The following RANBP2 variants were observed in gnomAD, a reference collection of about 807,000 sequenced individuals.
RANBP2 encodes the protein RAN binding protein 2, also known as E3 SUMO-protein ligase RanBP2.
Under a neutral mutation model 303.6 loss-of-function variants are expected in RANBP2, and 57 were observed. The ratio of observed to expected loss-of-function variants is 0.19; its 90% CI spans 0.15 to 0.23. RANBP2 has a LOEUF of 0.23. Ranked by LOEUF, RANBP2 falls within the 10% of genes least tolerant of loss-of-function variation. RANBP2 has a pLI of 1.00. For missense variants in RANBP2, 3,138 were observed against 3,780.8 expected, an observed-to-expected ratio of 0.83 and a Z score of 4.46; for synonymous variants, 1,167 against 1,301.5, an observed-to-expected ratio of 0.90 and a Z score of 2.23.
At chr2:109,120,395 A>G in the RANBP2 span, among the ~76,000 whole-genome samples, 6 of 152,194 alleles carry the variant, frequency 3.9e-5, no homozygotes, top group African/African-American at 1.4e-4. Flanking sequence ...AATATGCCAC[A>G]TTAGCCTCGC....
the RANBP2 span, among the ~76,000 whole-genome samples, chr2:109,658,516 T>C: frequency 2.6e-5 from 4 of 152,234 alleles, no homozygotes; most frequent in Admixed American, 6.5e-5. Flanking sequence ...CCACGATATC[T>C]AGAGATAAGA....
the RANBP2 span, among the ~76,000 whole-genome samples, chr2:109,510,795 G>T: frequency 1.3e-5 from 2 of 152,222 alleles, no homozygotes; most frequent in Non-Finnish European, 2.9e-5. Context: ...GGCCCATGCT[G>T]GGTGACTGCA....
the RANBP2 span, among the ~76,000 whole-genome samples, chr2:109,646,657 ATTTTTTTT>A: frequency 3.4e-5 from 4 of 119,012 alleles, no homozygotes; most frequent in African/African-American, 6.4e-5. Context: ...ATGACTGGCT[ATTTTTTTT>A]TTTTTTTTTT....
chr2:108,855,162 T>C, the RANBP2 span, among the ~76,000 whole-genome samples: 1 of 152,166 alleles, frequency 6.6e-6, no homozygotes, highest in Non-Finnish European at 1.5e-5. Flanking sequence ...ATCTGAAATA[T>C]TCAATAAATT....
chr2:108,775,335 G>A (rs1020571760), intron 23 of RANBP2, among the ~76,000 whole-genome samples: 4 of 152,146 alleles, frequency 2.6e-5, no homozygotes, highest in African/African-American at 9.7e-5. Flanking sequence ...CTGTCTTGGT[G>A]AATGTCTTCT....
At chr2:109,654,076 A>G in the RANBP2 span, among the ~76,000 whole-genome samples, 3 of 152,094 alleles carry the variant, frequency 2.0e-5, no homozygotes, top group Non-Finnish European at 4.4e-5. Context: ...CTGAGCAACA[A>G]ATGGTGTCCT....
the RANBP2 span, among the ~76,000 whole-genome samples, chr2:109,139,899 C>T: frequency 4.2e-4 from 64 of 152,278 alleles, no homozygotes; most frequent in Middle Eastern, 3.4e-3. Context: ...CAAAAGGCAG[C>T]GCCACTGGGG....
At chr2:109,573,695 A>G in the RANBP2 span, among the ~76,000 whole-genome samples, 1 of 152,250 alleles carries the variant, frequency 6.6e-6, no homozygotes, top group African/African-American at 2.4e-5. Context: ...CATTTCGCAT[A>G]CCATTTGAGA....
At chr2:109,373,601 AC>A in the RANBP2 span, among the ~76,000 whole-genome samples, 1 of 146,728 alleles carries the variant, frequency 6.8e-6, no homozygotes, top group African/African-American at 2.6e-5. Context: ...AGCAGACAGA[AC>A]TCCTCTGTTG....
chr2:108,952,269 G>T, the RANBP2 span, among the ~76,000 whole-genome samples: 1 of 152,154 alleles, frequency 6.6e-6, no homozygotes, highest in Admixed American at 6.5e-5. Context: ...TTAAATAATG[G>T]GTTCATGTGA....
chr2:109,591,131 A>T, the RANBP2 span, among the ~76,000 whole-genome samples: 1 of 152,226 alleles, frequency 6.6e-6, no homozygotes, highest in East Asian at 1.9e-4. Flanking sequence ...TCATGTAAGC[A>T]TGTTATCTTC....
chr2:109,398,615 T>A, the RANBP2 span: 1 of 1,584,122 alleles, frequency 6.3e-7, no homozygotes, highest in Non-Finnish European at 8.6e-7. Flanking sequence ...AAGCAGCTCA[T>A]TGAGATGGAC....
the RANBP2 span, among the ~76,000 whole-genome samples, chr2:108,941,865 G>A: frequency 1.4e-4 from 21 of 152,338 alleles, no homozygotes; most frequent in East Asian, 3.5e-3. Flanking sequence ...CTCAGTGAAC[G>A]TGTATGCCCA....
At chr2:108,777,295 GT>G in intron 25 of RANBP2, 64 bp downstream of exon 25, 2 of 1,239,810 alleles carry the variant, frequency 1.6e-6, no homozygotes, top group South Asian at 1.4e-5. Flanking sequence ...TGAAAAACTA[GT>G]TTTTTGTTGC....
the RANBP2 span, among the ~76,000 whole-genome samples, chr2:109,320,442 C>A: frequency 6.6e-6 from 1 of 152,180 alleles, no homozygotes; most frequent in African/African-American, 2.4e-5. Context: ...AGGCGCCCAT[C>A]CTCGGCAGTG....
chr2:109,029,883 G>A, the RANBP2 span, among the ~76,000 whole-genome samples: 2 of 152,140 alleles, frequency 1.3e-5, no homozygotes, highest in African/African-American at 4.8e-5. Flanking sequence ...CTCTTATTTT[G>A]CTCACAGATA....
At chr2:108,836,936 A>T in the RANBP2 span, among the ~76,000 whole-genome samples, 2 of 151,658 alleles carry the variant, frequency 1.3e-5, no homozygotes, top group Non-Finnish European at 2.9e-5. Context: ...TGCTGAATTT[A>T]TGTATTCTTT....
chr2:109,200,767 A>G, the RANBP2 span, among the ~76,000 whole-genome samples: 1 of 152,154 alleles, frequency 6.6e-6, no homozygotes, highest in Non-Finnish European at 1.5e-5. Flanking sequence ...CTCCATGACC[A>G]GGTCCTTTAG....
the RANBP2 span, among the ~76,000 whole-genome samples, chr2:109,701,024 A>G: frequency 1.3e-5 from 2 of 152,154 alleles, no homozygotes; most frequent in African/African-American, 4.8e-5. Flanking sequence ...GGCTGAGGGA[A>G]AGCAGTGGAG....
Sources: gnomAD v4.1 joint callset for allele counts (sites outside exome capture counted in the v4.1 genomes callset) on GRCh38, gnomAD v4.1.1 for gene constraint, MANE v1.5 for transcripts, NCBI Gene and HGNC (gene_info 2026-07-23, HGNC 2026-07-21) for gene names.